SUGCT: variants seen among roughly 807,000 people sequenced by gnomAD.
The protein encoded by SUGCT is succinyl-CoA:glutarate-CoA transferase.
Under a neutral mutation model 55.0 loss-of-function variants are expected in SUGCT, and 41 were observed. The ratio of observed to expected loss-of-function variants is 0.74; its 90% CI spans 0.58 to 0.97. The LOEUF is 0.97. SUGCT is among the 50% of genes least tolerant of loss of function. The pLI is 0.00. For synonymous variants in SUGCT, 187 were observed against 200.4 expected, an observed-to-expected ratio of 0.93 and a Z score of 0.56; for missense variants, 568 against 547.8, an observed-to-expected ratio of 1.04 and a Z score of -0.37.
intron 9 of SUGCT, among the ~76,000 whole-genome samples, chr7:40,336,941 A>G (rs1796746603): frequency 6.6e-6 from 1 of 152,126 alleles, no homozygotes; most frequent in East Asian, 1.9e-4. Context: ...AGATTCTGGT[A>G]TGTTGTGTCT....
At chr7:40,995,821 A>G in the SUGCT span, among the ~76,000 whole-genome samples, 2 of 152,094 alleles carry the variant, frequency 1.3e-5, no homozygotes, top group Non-Finnish European at 2.9e-5. Context: ...ACAGTCTCCA[A>G]TCTCCTTCAG....
chr7:40,430,737 GTTCTC>G, intron 9 of SUGCT, among the ~76,000 whole-genome samples: 1 of 152,192 alleles, frequency 6.6e-6, no homozygotes, highest in Non-Finnish European at 1.5e-5. Flanking sequence ...TACTGCCTAT[GTTCTC>G]TTCTAGGAGT....
At chr7:40,873,543 T>C in the SUGCT span, among the ~76,000 whole-genome samples, 1 of 152,248 alleles carries the variant, frequency 6.6e-6, no homozygotes, top group African/African-American at 2.4e-5. Flanking sequence ...TACGCCCTTC[T>C]TGCTTCCTCC....
intron 9 of SUGCT, among the ~76,000 whole-genome samples, chr7:40,427,731 T>C (rs544233461): frequency 6.6e-5 from 10 of 152,238 alleles, no homozygotes; most frequent in African/African-American, 2.4e-4. Flanking sequence ...GGAGCAAGAA[T>C]AGGCAGAGAG....
intron 12 of SUGCT, among the ~76,000 whole-genome samples, chr7:40,522,728 G>A (rs1366873688): frequency 6.6e-6 from 1 of 152,058 alleles, no homozygotes; most frequent in Non-Finnish European, 1.5e-5. Flanking sequence ...TTTAACTGTT[G>A]AGTAGACCTG....
rs1179828778 is a variant in SUGCT at position 40,237,646 on chromosome 7, A to G, written c.496A>G (p.Thr166Ala). The change falls in exon 7 of 14, where the codon ACA (threonine) becomes GCA (alanine). Residue 166 changes from threonine (T) to alanine (A), a missense_variant. Thr to Ala is a moderately conservative substitution (Grantham distance 58, BLOSUM62 0). Transcript: ENST00000335693. Reference sequence around the variant, plus strand: ...TTTTGTTGTTTTAGGGTATGGTCAGACAGGTCCAATTTCTCAGCGAGCTGG... The same window carrying G: ...TTTTGTTGTTTTAGGGTATGGTCAGGCAGGTCCAATTTCTCAGCGAGCTGG... ...IYCSITGYGQ[T>A]GPISQRAGYD... is the part of the protein sequence containing the mutation. The G allele has an allele frequency of 6.2e-7, 1 of 1,613,862 alleles. No individual in the cohort carries two copies. Among genetic ancestry groups the G allele is most frequent in the Non-Finnish European group, 8.5e-7 (1 of 1,179,818 alleles).
chr7:40,873,492 T>C, the SUGCT span, among the ~76,000 whole-genome samples: 1 of 152,208 alleles, frequency 6.6e-6, no homozygotes, highest in Non-Finnish European at 1.5e-5. Flanking sequence ...ACCCATTCCA[T>C]GTCCACATTC....
At chr7:40,180,895 T>C in intron 1 of SUGCT, 52 bp from the exon 2 acceptor site, 2 of 1,360,432 alleles carry the variant, frequency 1.5e-6, no homozygotes, top group Non-Finnish European at 2.1e-6. Context: ...TATGTGAAAA[T>C]GTAAGAAAAT....
intron 8 of SUGCT, among the ~76,000 whole-genome samples, chr7:40,287,148 T>C (rs982030296): frequency 5.3e-5 from 8 of 152,192 alleles, no homozygotes. Context: ...AGTTGAATTA[T>C]TGTGATCAGC....
chr7:40,311,957 A>T (rs187316466), intron 8 of SUGCT, among the ~76,000 whole-genome samples: 70 of 152,312 alleles, frequency 4.6e-4, no homozygotes, highest in Admixed American at 1.5e-3. Flanking sequence ...AAAAGGAGGG[A>T]TAGAAGAACA....
chr7:40,703,973 G>T (rs1785280912), intron 12 of SUGCT, among the ~76,000 whole-genome samples: 1 of 152,242 alleles, frequency 6.6e-6, no homozygotes, highest in Non-Finnish European at 1.5e-5. Context: ...CAGCTGACCT[G>T]ACCGGAGGAG....
rs111663128 is a variant in SUGCT, at chr7:40,211,964, A to G, written c.484+16904A>G. ...CAGGGCCTAGATTTTTGAAGCTCAA[A>G]AGGGAACAAATAATGTACCTTTTTT... On this transcript the variant is annotated intron_variant, in intron 6 of 13. Coordinates refer to ENST00000335693, the MANE Select transcript of SUGCT (RefSeq NM_001193313.2). Among the ~76,000 whole-genome samples, 64 of 152,306 alleles carry G rather than the reference A, an allele frequency of 4.2e-4. 1 individual carries two copies. The highest frequency in any genetic ancestry group is 1.4e-3 in the African/African-American group (57 of 41,584).
At chr7:40,209,525 G>C (rs1404121125) in intron 6 of SUGCT, among the ~76,000 whole-genome samples, 2 of 146,582 alleles carry the variant, frequency 1.4e-5, no homozygotes, top group Non-Finnish European at 3.0e-5. Context: ...TGCCGGGCAC[G>C]GTGGCACATG....
the SUGCT span, among the ~76,000 whole-genome samples, chr7:41,016,074 A>C: frequency 1.3e-5 from 2 of 152,146 alleles, no homozygotes; most frequent in Non-Finnish European, 2.9e-5. Flanking sequence ...CATAGGACAA[A>C]ATGTTCCCAT....
intron 9 of SUGCT, among the ~76,000 whole-genome samples, chr7:40,325,905 T>G (rs929341545): frequency 6.3e-5 from 9 of 141,990 alleles, no homozygotes; most frequent in Admixed American, 2.1e-4. Flanking sequence ...CGTCTTTTTT[T>G]TTTGTTTGTT....
intron 12 of SUGCT, among the ~76,000 whole-genome samples, chr7:40,523,582 C>T (rs116241134): frequency 1.2e-4 from 18 of 152,068 alleles, no homozygotes; most frequent in Non-Finnish European, 2.2e-4. Flanking sequence ...TAGGTCTCAC[C>T]GGGCTAAAAT....
At chr7:40,629,882 T>C (rs1189437702) in intron 12 of SUGCT, among the ~76,000 whole-genome samples, 1 of 152,270 alleles carries the variant, frequency 6.6e-6, no homozygotes, top group East Asian at 1.9e-4. Context: ...GAGGAGCTCA[T>C]TTTGTGACCT....
At chr7:40,241,392 A>C (rs555111845) in intron 7 of SUGCT, among the ~76,000 whole-genome samples, 1 of 151,972 alleles carries the variant, frequency 6.6e-6, no homozygotes, top group South Asian at 2.1e-4. Context: ...CAGCCTGGCC[A>C]ACATGGTGAA....
At chr7:40,277,847 C>T (rs943709798) in intron 8 of SUGCT, among the ~76,000 whole-genome samples, 11 of 152,162 alleles carry the variant, frequency 7.2e-5, no homozygotes, top group African/African-American at 2.6e-4. Flanking sequence ...CATCCCCTCA[C>T]CCCACAACAG....
Sources: gnomAD v4.1 joint callset for allele counts (sites outside exome capture counted in the v4.1 genomes callset) on GRCh38, gnomAD v4.1.1 for gene constraint, MANE v1.5 for transcripts, NCBI Gene and HGNC (gene_info 2026-07-23, HGNC 2026-07-21) for gene names.